NEMP2: variants seen among roughly 807,000 people sequenced by gnomAD.
The protein encoded by NEMP2 is nuclear envelope integral membrane protein 2, also known as UPF0571 transmembrane protein.
In NEMP2, 53 loss-of-function variants were observed where a neutral mutation model predicts 54.2. The observed-to-expected ratio is 0.98, with a 90% CI of 0.78 to 1.23. The LOEUF (loss-of-function observed/expected upper bound fraction) is 1.23. NEMP2 is among the 50% of genes most tolerant of loss of function. The pLI, the probability that NEMP2 is intolerant of heterozygous loss-of-function variation, is 0.00. For missense variants in NEMP2, 455 were observed against 511.3 expected, an observed-to-expected ratio of 0.89 and a Z score of 1.06; for synonymous variants, 197 against 190.3, an observed-to-expected ratio of 1.04 and a Z score of -0.29.
chr2:190,455,319 T>G, the NEMP2 span, among the ~76,000 whole-genome samples: 4 of 152,188 alleles, frequency 2.6e-5, no homozygotes, highest in African/African-American at 4.8e-5. Context: ...GTTTTAAGTA[T>G]AGGTATAATA....
chr2:190,499,941 T>G, downstream of NEMP2: 1 of 1,600,284 alleles, frequency 6.2e-7, no homozygotes, highest in South Asian at 1.1e-5. This position sits in a 1 kb window ranked among gnomAD's most constrained non-coding sequence, Gnocchi z 6.0. Flanking sequence ...CCTGTCTTAC[T>G]TGAAAGCATA....
the NEMP2 span, among the ~76,000 whole-genome samples, chr2:190,615,192 C>G: frequency 6.6e-6 from 1 of 152,110 alleles, no homozygotes; most frequent in African/African-American, 2.4e-5. The surrounding 1 kb of genome is among the most constrained non-coding windows in gnomAD (Gnocchi z 4.7). Flanking sequence ...AAGACTTCCC[C>G]CAAATTCAGA....
the NEMP2 span, among the ~76,000 whole-genome samples, chr2:190,606,651 G>T: frequency 6.6e-6 from 1 of 152,188 alleles, no homozygotes; most frequent in Non-Finnish European, 1.5e-5. Flanking sequence ...GGCAGAGGTT[G>T]CAGTGAGCAA....
At chr2:190,524,888 A>G (rs751974061) in intron 2 of NEMP2, among the ~76,000 whole-genome samples, 7 of 152,252 alleles carry the variant, frequency 4.6e-5, no homozygotes, top group Admixed American at 1.3e-4. Context: ...AGCAACTGCT[A>G]TCTTGGCCAT....
At chr2:190,564,588 G>A in the NEMP2 span, among the ~76,000 whole-genome samples, 3 of 152,076 alleles carry the variant, frequency 2.0e-5, no homozygotes, top group Non-Finnish European at 2.9e-5. This position sits in a 1 kb window ranked among gnomAD's most constrained non-coding sequence, Gnocchi z 4.2. Flanking sequence ...GACTTTTAAG[G>A]CAGATCTATA....
chr2:190,573,332 G>A, the NEMP2 span, among the ~76,000 whole-genome samples: 1 of 152,188 alleles, frequency 6.6e-6, no homozygotes, highest in Non-Finnish European at 1.5e-5. Context: ...CGTTAAAAAT[G>A]TAATCTCCTA....
the NEMP2 span, among the ~76,000 whole-genome samples, chr2:190,433,172 A>G: frequency 6.6e-6 from 1 of 152,132 alleles, no homozygotes; most frequent in Non-Finnish European, 1.5e-5. The surrounding 1 kb of genome is among the most constrained non-coding windows in gnomAD (Gnocchi z 4.5). Flanking sequence ...TCAGGGAAGG[A>G]TTCAAACTAC....
chr2:190,534,159 T>C, intron 1 of NEMP2: 2 of 1,008,426 alleles, frequency 2.0e-6, no homozygotes, highest in Non-Finnish European at 2.4e-6. Flanking sequence ...ATAACAAGGA[T>C]TTCAACACGC....
chr2:190,592,324 T>C, the NEMP2 span, among the ~76,000 whole-genome samples: 1 of 152,156 alleles, frequency 6.6e-6, no homozygotes, highest in Admixed American at 6.5e-5. This position sits in a 1 kb window ranked among gnomAD's most constrained non-coding sequence, Gnocchi z 4.4. Flanking sequence ...AGTAGTTCCA[T>C]AAATGTTGTT....
the NEMP2 span, among the ~76,000 whole-genome samples, chr2:190,491,722 C>T: frequency 1.3e-5 from 2 of 152,176 alleles, no homozygotes; most frequent in Non-Finnish European, 2.9e-5. This position sits in a 1 kb window ranked among gnomAD's most constrained non-coding sequence, Gnocchi z 4.2. Context: ...ACCAGAACAA[C>T]AATTCTAGTA....
At chr2:190,539,165 A>G (rs370980580), upstream of NEMP2, among the ~76,000 whole-genome samples, 4 of 152,146 alleles carry the variant, frequency 2.6e-5, no homozygotes, top group African/African-American at 9.7e-5. This position sits in a 1 kb window ranked among gnomAD's most constrained non-coding sequence, Gnocchi z 4.1. Flanking sequence ...CCTTCTGCAT[A>G]TGGTTATCCA....
the NEMP2 span, among the ~76,000 whole-genome samples, chr2:190,632,645 A>T: frequency 2.0e-5 from 3 of 152,040 alleles, no homozygotes; most frequent in Admixed American, 1.3e-4. This position sits in a 1 kb window ranked among gnomAD's most constrained non-coding sequence, Gnocchi z 4.8. Flanking sequence ...TTATCCAACC[A>T]CTTCATCAGG....
the NEMP2 span, among the ~76,000 whole-genome samples, chr2:190,563,583 A>G: frequency 2.8e-4 from 42 of 152,248 alleles, no homozygotes; most frequent in African/African-American, 1.0e-3. This position sits in a 1 kb window ranked among gnomAD's most constrained non-coding sequence, Gnocchi z 4.3. Flanking sequence ...TCTATTTTTG[A>G]AAACTCTACC....
the NEMP2 span, among the ~76,000 whole-genome samples, chr2:190,557,138 A>G: frequency 6.6e-6 from 1 of 152,228 alleles, no homozygotes; most frequent in Non-Finnish European, 1.5e-5. Context: ...ATGTAGACCA[A>G]TGGAACAGAA....
the NEMP2 span, among the ~76,000 whole-genome samples, chr2:190,589,575 GTCTTCAAT>G: frequency 6.6e-6 from 1 of 152,128 alleles, no homozygotes; most frequent in Non-Finnish European, 1.5e-5. The surrounding 1 kb of genome is among the most constrained non-coding windows in gnomAD (Gnocchi z 4.3). Flanking sequence ...GTTCTACAAG[GTCTTCAAT>G]TCACAGCAGT....
the NEMP2 span, among the ~76,000 whole-genome samples, chr2:190,622,354 G>A: frequency 4.0e-5 from 6 of 151,818 alleles, no homozygotes; most frequent in Non-Finnish European, 8.8e-5. Flanking sequence ...GTTGCAGTGA[G>A]CTATAGTCAT....
the NEMP2 span, among the ~76,000 whole-genome samples, chr2:190,484,891 C>T: frequency 6.6e-6 from 1 of 152,064 alleles, no homozygotes; most frequent in Non-Finnish European, 1.5e-5. Flanking sequence ...GAGTGGCTTT[C>T]ATTCTTCTGC....
chr2:190,541,762 GT>G, the NEMP2 span, among the ~76,000 whole-genome samples: 3 of 152,270 alleles, frequency 2.0e-5, no homozygotes, highest in Admixed American at 2.0e-4. This position sits in a 1 kb window ranked among gnomAD's most constrained non-coding sequence, Gnocchi z 5.2. Flanking sequence ...AGCATTTCCT[GT>G]AAGATGGGGC....
the NEMP2 span, among the ~76,000 whole-genome samples, chr2:190,478,427 T>C: frequency 6.6e-6 from 1 of 152,156 alleles, no homozygotes; most frequent in African/African-American, 2.4e-5. Flanking sequence ...GCCCACCCCA[T>C]GGAAAACAGT....
Sources: gnomAD v4.1 joint callset for allele counts (sites outside exome capture counted in the v4.1 genomes callset) on GRCh38, gnomAD v4.1.1 for gene constraint, Gnocchi (gnomAD v3.1) non-coding constraint, MANE v1.5 for transcripts, NCBI Gene and HGNC (gene_info 2026-07-23, HGNC 2026-07-21) for gene names.